The following STPG2 variants were observed in gnomAD, a reference collection of about 807,000 sequenced individuals.
STPG2 encodes sperm-tail PG-rich repeat-containing protein 2.
A neutral mutation model predicts 54.2 loss-of-function variants in STPG2; 56 were observed. That is an observed-to-expected ratio of 1.03 (90% CI 0.83 to 1.29). The LOEUF is 1.29. STPG2 is among the 50% of genes most tolerant of loss of function. The pLI, the probability that STPG2 is intolerant of heterozygous loss-of-function variation, is 0.00. For missense variants in STPG2, 596 were observed against 544.9 expected, an observed-to-expected ratio of 1.09 and a Z score of -0.93; for synonymous variants, 200 against 181.8, an observed-to-expected ratio of 1.10 and a Z score of -0.81.
At chr4:97,975,299 G>C (rs973078202) in intron 6 of STPG2, among the ~76,000 whole-genome samples, 4 of 152,024 alleles carry the variant, frequency 2.6e-5, no homozygotes, top group African/African-American at 7.2e-5. Flanking sequence ...TACCTCAATA[G>C]AGCAGAAATA....
At chr4:97,919,810 G>C (rs1158600103) in intron 8 of STPG2, among the ~76,000 whole-genome samples, 1 of 152,032 alleles carries the variant, frequency 6.6e-6, no homozygotes, top group East Asian at 1.9e-4. Flanking sequence ...TCTTTTTTAA[G>C]AACCCAGAAT....
chr4:97,598,636 A>T (rs1047698080), intron 10 of STPG2, among the ~76,000 whole-genome samples: 1 of 152,054 alleles, frequency 6.6e-6, no homozygotes, highest in African/African-American at 2.4e-5. Context: ...CAACCCTCTG[A>T]TCTTTGAAGA....
intron 9 of STPG2, among the ~76,000 whole-genome samples, chr4:97,737,745 T>A (rs1387150401): frequency 1.3e-5 from 2 of 152,190 alleles, no homozygotes; most frequent in Non-Finnish European, 2.9e-5. Flanking sequence ...TCGGTGTACC[T>A]GAAAGTGACG....
chr4:98,142,213 C>T (rs548577579), intron 1 of STPG2, among the ~76,000 whole-genome samples: 11 of 152,200 alleles, frequency 7.2e-5, no homozygotes, highest in African/African-American at 2.6e-4. Context: ...GTACTCCACC[C>T]CAAGAAACCT....
At chr4:98,042,709 T>C (rs1737002779) in intron 5 of STPG2, among the ~76,000 whole-genome samples, 1 of 132,648 alleles carries the variant, frequency 7.5e-6, no homozygotes, top group African/African-American at 2.9e-5. Flanking sequence ...TATTGAAACT[T>C]CTTCTCTGAC....
At chr4:98,045,144 T>C (rs1456689659) in intron 5 of STPG2, among the ~76,000 whole-genome samples, 4 of 151,818 alleles carry the variant, frequency 2.6e-5, no homozygotes, top group Non-Finnish European at 5.9e-5. Flanking sequence ...CCAAGGAGTC[T>C]GGCATTCCTG....
rs536515472 is a variant in STPG2, at chr4:97,992,396, A to T, written c.613-11078T>A. On this transcript the variant is annotated intron_variant, in intron 5 of 10. Transcript: ENST00000295268. Reference sequence around the variant, plus strand: ...TATGTTTTTGTTTGCTTTGTCAAAGATCAGTTGACTGTAAGTTTTTGGGTT... The same window carrying T: ...TATGTTTTTGTTTGCTTTGTCAAAGTTCAGTTGACTGTAAGTTTTTGGGTT... Among the ~76,000 whole-genome samples the T allele has an allele frequency of 7.3e-4, 111 of 152,296 alleles. No individual in the cohort carries two copies. The South Asian group carries it at 0.022, about 30-fold the overall frequency.
At chr4:98,011,152 T>A (rs1735736144) in intron 5 of STPG2, among the ~76,000 whole-genome samples, 1 of 152,082 alleles carries the variant, frequency 6.6e-6, no homozygotes, top group Non-Finnish European at 1.5e-5. Flanking sequence ...GTTTTTCCCC[T>A]CCCTATGTCC....
At chr4:97,696,901 C>A (rs1029861312) in intron 10 of STPG2, among the ~76,000 whole-genome samples, 5 of 152,062 alleles carry the variant, frequency 3.3e-5, no homozygotes, top group Non-Finnish European at 7.4e-5. Flanking sequence ...TGAGGCATAC[C>A]ACCCTCAAAA....
intron 8 of STPG2, among the ~76,000 whole-genome samples, chr4:97,898,999 G>A (rs1249970746): frequency 1.3e-5 from 2 of 151,396 alleles, no homozygotes; most frequent in South Asian, 2.1e-4. Context: ...AAAAATAAAG[G>A]GCATCCAAAA....
chr4:97,627,461 G>T (rs1282923313), intron 10 of STPG2, among the ~76,000 whole-genome samples: 3 of 152,060 alleles, frequency 2.0e-5, no homozygotes, highest in Non-Finnish European at 4.4e-5. Flanking sequence ...GTTAAACTAG[G>T]ATACTTAACA....
chr4:97,534,822 G>C (rs986565957), intron 4 of STPG2, among the ~76,000 whole-genome samples: 5 of 152,086 alleles, frequency 3.3e-5, no homozygotes, highest in African/African-American at 1.2e-4. Context: ...TCTGCTTCCT[G>C]TGCTCATAAT....
At chr4:98,115,605 T>A (rs1739494374) in intron 3 of STPG2, among the ~76,000 whole-genome samples, 1 of 151,966 alleles carries the variant, frequency 6.6e-6, no homozygotes. Flanking sequence ...TAATTACCCA[T>A]CTATTGGATT....
chr4:97,960,264 G>C (rs886314165), intron 7 of STPG2, among the ~76,000 whole-genome samples: 1 of 152,148 alleles, frequency 6.6e-6, no homozygotes, highest in Admixed American at 6.5e-5. Flanking sequence ...AAAGTTGAAA[G>C]CATTCCCCCT....
chr4:97,899,038 G>C (rs889346406), intron 8 of STPG2, among the ~76,000 whole-genome samples: 2 of 151,704 alleles, frequency 1.3e-5, no homozygotes, highest in African/African-American at 4.8e-5. Context: ...AACTATCTCT[G>C]TTTGCAAATT....
At chr4:97,625,214 A>T (rs1734109870) in intron 10 of STPG2, among the ~76,000 whole-genome samples, 1 of 152,228 alleles carries the variant, frequency 6.6e-6, no homozygotes, top group Admixed American at 6.5e-5. Flanking sequence ...GTTTTTCAAT[A>T]CGGAAAAACA....
intron 4 of STPG2, among the ~76,000 whole-genome samples, chr4:97,530,170 G>T (rs548202393): frequency 1.3e-5 from 2 of 152,230 alleles, no homozygotes; most frequent in African/African-American, 4.8e-5. Context: ...ATGATTTAGG[G>T]ACCTAGACTG....
At chr4:97,759,476 T>C (rs1452700635) in intron 9 of STPG2, among the ~76,000 whole-genome samples, 3 of 151,894 alleles carry the variant, frequency 2.0e-5, no homozygotes, top group Non-Finnish European at 4.4e-5. Flanking sequence ...ATCCAGGTGG[T>C]GAGATATTAA....
intron 10 of STPG2, among the ~76,000 whole-genome samples, chr4:97,642,259 A>T (rs1721787021): frequency 6.6e-6 from 1 of 151,378 alleles, no homozygotes. Flanking sequence ...AAACCTCATA[A>T]TTCATACATT....
Sources: gnomAD v4.1 joint callset for allele counts (sites outside exome capture counted in the v4.1 genomes callset) on GRCh38, gnomAD v4.1.1 for gene constraint, MANE v1.5 for transcripts, NCBI Gene and HGNC (gene_info 2026-07-23, HGNC 2026-07-21) for gene names.